Variants in USP13 observed in about 807,000 individuals in gnomAD.
USP13 encodes ubiquitin specific peptidase 13, also known as ubiquitin carboxyl-terminal hydrolase 13.
In USP13, 68 loss-of-function variants were observed where a neutral mutation model predicts 107.8. That is an observed-to-expected ratio of 0.63 (90% confidence interval 0.52 to 0.77). The LOEUF (loss-of-function observed/expected upper bound fraction) is 0.77, where lower values mean the gene tolerates loss of function less well. USP13 is among the 30% of genes least tolerant of loss of function. The pLI is 0.00. For synonymous variants in USP13, 377 were observed against 389.5 expected, an observed-to-expected ratio of 0.97 and a Z score of 0.38; for missense variants, 945 against 1,093.3, an observed-to-expected ratio of 0.86 and a Z score of 1.91.
intron 3 of USP13, among the ~76,000 whole-genome samples, chr3:179,698,470 A>T (rs1239741031): frequency 6.6e-6 from 1 of 151,176 alleles, no homozygotes; most frequent in Non-Finnish European, 1.5e-5. Context: ...CTAGGGTTAC[A>T]TAGCTAGTAA....
chr3:179,729,377 A>G (rs1262649718), intron 8 of USP13, among the ~76,000 whole-genome samples: 1 of 152,234 alleles, frequency 6.6e-6, no homozygotes, highest in Admixed American at 6.5e-5. Context: ...CAGAGAGGGA[A>G]GCCCAAGGAC....
intron 13 of USP13, among the ~76,000 whole-genome samples, chr3:179,746,921 C>T (rs1371043509): frequency 6.6e-6 from 1 of 152,166 alleles, no homozygotes; most frequent in Non-Finnish European, 1.5e-5. Flanking sequence ...TGCTATGTTT[C>T]AGATTGTAGA....
At chr3:179,674,447 C>G (rs563642919) in intron 1 of USP13, among the ~76,000 whole-genome samples, 1 of 152,146 alleles carries the variant, frequency 6.6e-6, no homozygotes, top group African/African-American at 2.4e-5. Context: ...GGAGAAGCAC[C>G]ACTGTAGACC....
Position 179,752,502 on chromosome 3 carries a change from G to A in USP13, c.1798+129G>A, listed in dbSNP as rs1314872026. The A allele has an allele frequency of 8.1e-6, 6 of 736,782 alleles. No individual in the cohort carries two copies. In the African/African-American group the frequency reaches 8.8e-5, roughly 11 times the overall value. 45.6% of individuals were successfully genotyped at this position (736,782 alleles called of 1,614,324 possible). A position where few individuals can be genotyped will look rare whatever the true frequency, so the allele number is the denominator to read the frequency against. ...TTCATTCCATCATTCTCACCTTTCT[G>A]TTTTGAATCAGAGTATATGATAAGA... On this transcript the variant is annotated intron_variant, in intron 14 of 20. Transcript: ENST00000263966.
chr3:179,728,891 A>G (rs1325643314), intron 8 of USP13, among the ~76,000 whole-genome samples: 1 of 144,404 alleles, frequency 6.9e-6, no homozygotes, highest in Non-Finnish European at 1.5e-5. Flanking sequence ...CTGAGGCAGG[A>G]GAATCAGGCA....
chr3:179,755,547 C>G (rs948901041), intron 15 of USP13, among the ~76,000 whole-genome samples: 2 of 152,230 alleles, frequency 1.3e-5, no homozygotes, highest in African/African-American at 4.8e-5. Context: ...ATCTGCCCGC[C>G]TCAGCCTCCC....
chr3:179,691,674 G>C (rs1396577140), intron 3 of USP13, among the ~76,000 whole-genome samples: 1 of 152,072 alleles, frequency 6.6e-6, no homozygotes, highest in Non-Finnish European at 1.5e-5. Flanking sequence ...CTTTGAGACT[G>C]TGCTAAATAT....
At position 179,653,474 on chromosome 3, in the gene USP13, G is replaced by T. The variant is rs1005800601; in HGVS notation, c.168+81G>T. ...GCCGGGGGAGAAGATGCGCAGTGGC[G>T]GCCGGGACCTCTTCTCTTCCTCCGG... On this transcript the variant is annotated intron_variant, in intron 1 of 20. Coordinates refer to ENST00000263966, the MANE Select transcript of USP13 (RefSeq NM_003940.3). This position sits in a 1 kb window ranked among gnomAD's most constrained non-coding sequence, Gnocchi z 4.0. 6 of 1,494,716 alleles carry T rather than the reference G, an allele frequency of 4.0e-6. No homozygotes were observed. The East Asian group carries it at 1.5e-4, about 38-fold the overall frequency. The allele number at this position is 1,494,716 out of a possible 1,614,324, so 92.6% of individuals were successfully genotyped here.
chr3:179,721,195 C>T lies in USP13; in HGVS notation c.901-207C>T, dbSNP rs1038605014. ...AGCTACCATTTTAACTGTTTTTAAGCGTGCAGTTCTCTGGCATTATGTACA... is the reference window on the plus strand; with the variant it reads ...AGCTACCATTTTAACTGTTTTTAAGTGTGCAGTTCTCTGGCATTATGTACA... On this transcript the variant is annotated intron_variant, in intron 7 of 20. Transcript: ENST00000263966. The surrounding 1 kb of genome is among the most constrained non-coding windows in gnomAD (Gnocchi z 4.3). Among the ~76,000 whole-genome samples the T allele has an allele frequency of 7.2e-5, 11 of 152,138 alleles. No individual in the cohort carries two copies. Among genetic ancestry groups the T allele is most frequent in the African/African-American group, 1.7e-4 (7 of 41,426 alleles).
At chr3:179,703,499 G>A (rs1044649749) in intron 4 of USP13, among the ~76,000 whole-genome samples, 2 of 152,110 alleles carry the variant, frequency 1.3e-5, no homozygotes, top group South Asian at 2.1e-4. Flanking sequence ...CTGTGAGCTC[G>A]GCAGGGGTCT....
In USP13 at chr3:179,787,763, A is replaced by C. The variant is rs1715952418; in HGVS notation, c.*3622A>C. Reference sequence around the variant, plus strand: ...ATTACTGGCGCACGCCACTACGCCCAGCTAATTTTTGTATTTTTAGTAGAG... The same window carrying C: ...ATTACTGGCGCACGCCACTACGCCCCGCTAATTTTTGTATTTTTAGTAGAG... On this transcript the variant is annotated 3_prime_UTR_variant, in exon 21 of 21. Transcript: ENST00000263966. 1 of 152,258 alleles carries C rather than the reference A, an allele frequency of 6.6e-6. No individual in the cohort carries two copies. Among genetic ancestry groups the C allele is most frequent in the African/African-American group, 2.4e-5 (1 of 41,426 alleles). The allele number at this position is 152,258 out of a possible 1,614,324, so 9.4% of individuals were successfully genotyped here.
Position 179,737,386 on chromosome 3 carries a change from G to A in USP13, c.1255-2861G>A, listed in dbSNP as rs372568350. Among the ~76,000 whole-genome samples the A allele has an allele frequency of 3.9e-5, 6 of 152,228 alleles. No homozygotes were observed. The South Asian group carries it at 8.3e-4, about 21-fold the overall frequency. ...TAAGAACTGTGCCTGGCACGTAGTC[G>A]GTATTCATCCAAGCACCTGAGATTT... is the stretch of plus-strand genomic sequence containing the variant. On this transcript the variant is annotated intron_variant, in intron 10 of 20. Coordinates refer to ENST00000263966, the MANE Select transcript of USP13 (RefSeq NM_003940.3).
rs2108450246 is a variant in USP13 at position 179,678,383 on chromosome 3, G to A, written c.169-3495G>A. Among the ~76,000 whole-genome samples the A allele has an allele frequency of 6.6e-6, 1 of 152,194 alleles. No individual in the cohort carries two copies. The highest frequency in any genetic ancestry group is 3.4e-3 in the Middle Eastern group (1 of 292). On this transcript the variant is annotated intron_variant, in intron 1 of 20. Transcript: ENST00000263966. The surrounding 1 kb of genome is among the most constrained non-coding windows in gnomAD (Gnocchi z 4.2). ...TGTAATGTGTTGTCTCTAGTTGAAGGACTTTTCTAATTTTATTTAAATGAT... is the reference window on the plus strand; with the variant it reads ...TGTAATGTGTTGTCTCTAGTTGAAGAACTTTTCTAATTTTATTTAAATGAT...
chr3:179,700,674 C>T (rs900825870), intron 3 of USP13, among the ~76,000 whole-genome samples: 6 of 152,150 alleles, frequency 3.9e-5, no homozygotes, highest in African/African-American at 1.4e-4. Flanking sequence ...CCAATCCTTG[C>T]CTTTTTAAGA....
intron 10 of USP13, among the ~76,000 whole-genome samples, chr3:179,735,861 CT>C (rs1381669509): frequency 6.6e-6 from 1 of 152,076 alleles, no homozygotes; most frequent in Admixed American, 6.6e-5. Context: ...AGTAAGACCC[CT>C]GTCTCTAGAA....
chr3:179,658,416 G>A (rs13090042), intron 1 of USP13, among the ~76,000 whole-genome samples: 1 of 151,048 alleles, frequency 6.6e-6, no homozygotes, highest in Admixed American at 6.6e-5. Flanking sequence ...CCTCATAGTT[G>A]GCTCTCTTGT....
chr3:179,733,746 C>T (rs1015131417), intron 10 of USP13, among the ~76,000 whole-genome samples: 2 of 152,134 alleles, frequency 1.3e-5, no homozygotes, highest in South Asian at 4.1e-4. Context: ...TTTTACGGGG[C>T]CACCACCACG....
intron 19 of USP13, among the ~76,000 whole-genome samples, chr3:179,772,690 T>C (rs2108546497): frequency 6.6e-6 from 1 of 152,324 alleles, no homozygotes; most frequent in Non-Finnish European, 1.5e-5. Flanking sequence ...CTGTTGAAAG[T>C]TAAGAGGCAG....
intron 3 of USP13, 26 bp downstream of exon 3, chr3:179,690,327 A>T: frequency 6.2e-7 from 1 of 1,607,462 alleles, no homozygotes. Context: ...TAGCATGCTC[A>T]GATTTTGTGT....
Sources: allele counts gnomAD v4.1 joint callset (sites outside exome capture counted in the v4.1 genomes callset), GRCh38; gene constraint gnomAD v4.1.1; non-coding constraint Gnocchi (gnomAD v3.1); transcripts MANE v1.5; gene names NCBI Gene and HGNC (gene_info 2026-07-23, HGNC 2026-07-21).